MCMBP: variants seen among roughly 807,000 people sequenced by gnomAD.
The protein encoded by MCMBP is minichromosome maintenance complex binding protein.
Under a neutral mutation model 81.3 loss-of-function variants are expected in MCMBP, and 31 were observed. The ratio of observed to expected loss-of-function variants is 0.38; its 90% CI spans 0.29 to 0.51. The LOEUF is 0.51. MCMBP is among the 20% of genes least tolerant of loss of function. The probability of loss-of-function intolerance (pLI) is 0.87; values close to 1 mark genes in which losing one functional copy is unlikely to be tolerated. For missense variants in MCMBP, 645 were observed against 772.1 expected (o/e 0.84, Z 1.95); for synonymous variants, 267 against 275.9 (o/e 0.97, Z 0.32).
chr10:119,845,430 G>C (rs1852583563), intron 8 of MCMBP, among the ~76,000 whole-genome samples: 2 of 152,120 alleles, frequency 1.3e-5, no homozygotes, highest in African/African-American at 4.8e-5. Flanking sequence ...AAATTAAAAA[G>C]TGTAAGAGTA....
intron 8 of MCMBP, 87 bp from the exon 9 acceptor site, chr10:119,843,513 A>G (rs957494033): frequency 7.7e-7 from 1 of 1,306,026 alleles, no homozygotes; most frequent in Non-Finnish European, 1.0e-6. Flanking sequence ...ACAAAATTAG[A>G]GTTAAAGCCA....
intron 1 of MCMBP, among the ~76,000 whole-genome samples, chr10:119,860,653 CT>C (rs1853223409): frequency 6.6e-6 from 1 of 152,306 alleles, no homozygotes; most frequent in African/African-American, 2.4e-5. Context: ...TATCAGATCT[CT>C]TTAATCTCCT....
intron 12 of MCMBP, among the ~76,000 whole-genome samples, 184 bp from the exon 13 acceptor site, chr10:119,837,213 G>C (rs958625424): frequency 4.6e-5 from 7 of 152,060 alleles, no homozygotes; most frequent in African/African-American, 1.4e-4. Context: ...GGTCAAGGTA[G>C]AACTTTCTGG....
At position 119,868,972 on chromosome 10, in the gene MCMBP, C is replaced by G. The variant is rs1472011044; in HGVS notation, c.58+3555G>C. Among the ~76,000 whole-genome samples, 3 of 152,298 alleles carry G rather than the reference C, an allele frequency of 2.0e-5. No homozygotes were observed. The East Asian group carries it at 5.8e-4, about 29-fold the overall frequency. On this transcript the variant is annotated intron_variant, in intron 1 of 15. Transcript: ENST00000369077. ...GCAAGGGTGGAGCCAACAAGGGCCT[C>G]ATAAACCACTTTAAAAGTCCTGGAT...
At chr10:119,873,395 C>G (rs1853785554), upstream of MCMBP, 2 of 152,226 alleles carry the variant, frequency 1.3e-5, no homozygotes, top group Admixed American at 1.3e-4. Flanking sequence ...CTTCTGCAGT[C>G]GCGTCAGGCC....
In MCMBP at chr10:119,831,564, T is replaced by C. The variant is rs1460290454; in HGVS notation, c.1833A>G (p.Ser611=). The C allele has an allele frequency of 6.2e-7, 1 of 1,614,058 alleles. No individual in the cohort carries two copies. Among genetic ancestry groups the C allele is most frequent in the Admixed American group, 1.7e-5 (1 of 60,008 alleles). The part of the protein sequence containing the change: ...LSLSAGQTTL[S]RERWLRAKQL... ...GCTTTGCTCTCAGCCATCGTTCTCT[T>C]GACAGCGTTGTCTGACCAGCACTGA... Residue 611 remains serine, a synonymous_variant, in exon 16 of 16, where the codon TCA becomes TCG. Coordinates refer to ENST00000369077, the MANE Select transcript of MCMBP (RefSeq NM_001256378.2).
At chr10:119,836,780 TTTTTTTTTTTTTTTAC>T in intron 13 of MCMBP, 100 bp downstream of exon 13, 1 of 154,842 alleles carries the variant, frequency 6.5e-6, no homozygotes, top group Non-Finnish European at 1.0e-5. Context: ...TTTTTTTTTT[TTTTTTTTTTTTTTTAC>T]AACAAATGTA....
At chr10:119,871,580 G>A (rs1341011825) in intron 1 of MCMBP, among the ~76,000 whole-genome samples, 2 of 152,022 alleles carry the variant, frequency 1.3e-5, no homozygotes, top group African/African-American at 2.4e-5. Context: ...CGTCGATTTT[G>A]GCTGCTGAGG....
chr10:119,853,083 G>A lies in MCMBP; in HGVS notation c.541C>T (p.Gln181Ter). ...CTGGCACCTGCATGTTGGTCTTTCT[G>A]CTTATTGGGCTGTAGGTCCATATCG... Reference protein sequence around the residue: ...DDDMDLQPNKQKDQHAGARQA... With the variant: ...DDDMDLQPNK Residue 181 changes from glutamine (Q) to a stop codon, truncating the protein, a stop_gained, in exon 6 of 16, where the codon CAG (glutamine) becomes TAG (stop). Transcript: ENST00000369077. LOFTEE classifies it high-confidence loss of function. 1 of 1,614,134 alleles carries A rather than the reference G, an allele frequency of 6.2e-7. No individual in the cohort carries two copies. Among genetic ancestry groups the A allele is most frequent in the Non-Finnish European group, 8.5e-7 (1 of 1,180,012 alleles).
In MCMBP at chr10:119,857,320, A is replaced by AGTT. The variant is rs1168024493; in HGVS notation, c.429+15_429+17dup. On this transcript the variant is annotated intron_variant, in intron 5 of 15. Transcript: ENST00000369077. ...TTAGAAACCATCAACACAGTAAGAA[A>AGTT]GTTCAGATAAAGGATATTTCTTTTA... 1.3e-6 allele frequency: 2 copies of AGTT among 1,552,498 alleles called. No individual in the cohort carries two copies. The highest frequency in any genetic ancestry group is 2.3e-5 in the South Asian group (2 of 86,752).
chr10:119,846,048 T>A (rs528275618), intron 8 of MCMBP, among the ~76,000 whole-genome samples: 7 of 152,328 alleles, frequency 4.6e-5, no homozygotes, highest in African/African-American at 1.4e-4. Context: ...GCTGCATGTA[T>A]CCTAGCTCTG....
intron 1 of MCMBP, among the ~76,000 whole-genome samples, chr10:119,865,986 G>C (rs187729828): frequency 6.6e-6 from 1 of 152,024 alleles, no homozygotes; most frequent in East Asian, 1.9e-4. Context: ...TACTCAGGAA[G>C]CTGAGGCTGC....
chr10:119,860,082 G>C (rs920763802), intron 1 of MCMBP, among the ~76,000 whole-genome samples, 198 bp from the exon 2 acceptor site: 3 of 152,128 alleles, frequency 2.0e-5, no homozygotes, highest in Non-Finnish European at 4.4e-5. Flanking sequence ...TCAAGAAGCT[G>C]TACTGAGCAG....
At chr10:119,836,618 G>A (rs576410921) in intron 13 of MCMBP, among the ~76,000 whole-genome samples, 7 of 152,168 alleles carry the variant, frequency 4.6e-5, no homozygotes, top group South Asian at 4.1e-4. Context: ...AGGCAATCTC[G>A]CTATGCTCAG....
At chr10:119,835,842 T>G in intron 13 of MCMBP, 138 bp from the exon 14 acceptor site, 2 of 968,142 alleles carry the variant, frequency 2.1e-6, no homozygotes, top group African/African-American at 1.7e-5. Flanking sequence ...GAATAATGTT[T>G]TTTTTTCTGT....
chr10:119,842,373 C>A, intron 10 of MCMBP, 99 bp downstream of exon 10: 1 of 1,350,920 alleles, frequency 7.4e-7, no homozygotes, highest in Non-Finnish European at 1.0e-6. Context: ...GTGATGAAGC[C>A]CAATAAGGAA....
intron 1 of MCMBP, among the ~76,000 whole-genome samples, chr10:119,867,648 T>C (rs117335267): frequency 0.039 from 6,000 of 151,996 alleles, 195 homozygotes; most frequent in Non-Finnish European, 0.062. Flanking sequence ...CGAGAACAAG[T>C]AAATTTGGGA....
chr10:119,851,720 T>A (rs933089232), intron 6 of MCMBP, among the ~76,000 whole-genome samples: 1 of 152,204 alleles, frequency 6.6e-6, no homozygotes, highest in Non-Finnish European at 1.5e-5. Context: ...TTTATATGTA[T>A]TTATAGTAAA....
chr10:119,859,478 T>G (rs1347557707), intron 2 of MCMBP, among the ~76,000 whole-genome samples: 1 of 152,240 alleles, frequency 6.6e-6, no homozygotes, highest in South Asian at 2.1e-4. Flanking sequence ...ATTTACTTTG[T>G]TGAGCTCTTC....
Sources: gnomAD v4.1 joint callset for allele counts (sites outside exome capture counted in the v4.1 genomes callset) on GRCh38, gnomAD v4.1.1 for gene constraint, MANE v1.5 for transcripts, NCBI Gene and HGNC (gene_info 2026-07-23, HGNC 2026-07-21) for gene names.